The following ROR2 variants were observed in gnomAD, a reference collection of about 807,000 sequenced individuals.
ROR2 encodes the protein ROR family WNT receptor 2.
A neutral mutation model predicts 74.9 loss-of-function variants in ROR2; 33 were observed. That is an observed-to-expected ratio of 0.44 (90% CI 0.33 to 0.59). The LOEUF (loss-of-function observed/expected upper bound fraction) is 0.59. Among genes scored for constraint, ROR2 ranks in the 20% least tolerant of loss-of-function variants. The pLI, the probability that ROR2 is intolerant of heterozygous loss-of-function variation, is 0.02. For synonymous variants in ROR2, 586 were observed against 558.7 expected, an observed-to-expected ratio of 1.05 and a Z score of -0.69; for missense variants, 1,216 against 1,313.8, an observed-to-expected ratio of 0.93 and a Z score of 1.15.
chr9:91,859,988 T>C (rs1829421700), intron 1 of ROR2, among the ~76,000 whole-genome samples: 1 of 152,192 alleles, frequency 6.6e-6, no homozygotes, highest in African/African-American at 2.4e-5. Context: ...GCCTGGACGC[T>C]GCTCCGGATG....
At chr9:91,943,502 C>T (rs1205014295) in intron 1 of ROR2, among the ~76,000 whole-genome samples, 1 of 152,136 alleles carries the variant, frequency 6.6e-6, no homozygotes, top group Non-Finnish European at 1.5e-5. Context: ...TCCCTCCTTC[C>T]TCAGTGAGCA....
rs35146225 is a variant in ROR2, at chr9:91,735,606, C to CTTTTTTTTTTT, written c.622+1774_622+1784dup. ...GCACGGTTCCTACTAAGGGCTCTAA[C>CTTTTTTTTTTT]TTTTTTTTTTTTTTTTTTTTTTTTT... On this transcript the variant is annotated intron_variant, in intron 5 of 8. Transcript: ENST00000375708. 1.7e-3 allele frequency among the ~76,000 whole-genome samples: 135 copies of CTTTTTTTTTTT among 79,002 alleles called. 3 individuals carry two copies. Among genetic ancestry groups the CTTTTTTTTTTT allele is most frequent in the Admixed American group, 2.5e-3 (14 of 5,660 alleles). The allele number at this position is 79,002 out of a possible 152,430, so 51.8% of individuals were successfully genotyped here.
chr9:91,869,867 A>T (rs990051941), intron 1 of ROR2, among the ~76,000 whole-genome samples: 1 of 152,248 alleles, frequency 6.6e-6, no homozygotes, highest in Non-Finnish European at 1.5e-5. Context: ...GAAGAAAAAA[A>T]AATAAGCATT....
At position 91,810,172 on chromosome 9, in the gene ROR2, G is replaced by A. The variant is rs57308170; in HGVS notation, c.98-34354C>T. 2.0e-3 allele frequency among the ~76,000 whole-genome samples: 298 copies of A among 152,326 alleles called. 1 individual carries two copies. Among genetic ancestry groups the A allele is most frequent in the African/African-American group, 6.9e-3 (285 of 41,584 alleles). ...CATTTCCCACCATGCCCGAGGCTAC[G>A]GTGGCGACAGAATCAGAATGGGGTC... On this transcript the variant is annotated intron_variant, in intron 1 of 8. Transcript: ENST00000375708.
chr9:91,818,007 T>C (rs559296712), intron 1 of ROR2, among the ~76,000 whole-genome samples: 28 of 152,298 alleles, frequency 1.8e-4, no homozygotes, highest in African/African-American at 6.3e-4. Flanking sequence ...CATTTCCTTT[T>C]CTCTGGGGCC....
chr9:91,919,640 T>A (rs1831217410), intron 1 of ROR2, among the ~76,000 whole-genome samples: 1 of 152,174 alleles, frequency 6.6e-6, no homozygotes, highest in Non-Finnish European at 1.5e-5. Flanking sequence ...ATGACACCCA[T>A]TCAGCTCTAA....
intron 1 of ROR2, among the ~76,000 whole-genome samples, chr9:91,911,452 T>TA (rs2119442008): frequency 6.6e-6 from 1 of 152,328 alleles, no homozygotes; most frequent in African/African-American, 2.4e-5. Flanking sequence ...TAAAATATGA[T>TA]ATAATCGTAT....
chr9:91,920,068 A>C (rs1187245804), intron 1 of ROR2, among the ~76,000 whole-genome samples: 1 of 152,242 alleles, frequency 6.6e-6, no homozygotes, highest in Non-Finnish European at 1.5e-5. Flanking sequence ...TTGTGAAACA[A>C]AGTTTGAGGA....
Position 91,809,518 on chromosome 9 carries a change from C to T in ROR2, c.98-33700G>A, listed in dbSNP as rs149973653. On this transcript the variant is annotated intron_variant, in intron 1 of 8. Transcript: ENST00000375708. ...TTCTCTCCGCACAGCTCTTAATAAG[C>T]CACTGACCCCTCAGCCCCACAGAGA... is the stretch of plus-strand genomic sequence containing the variant. Among the ~76,000 whole-genome samples the T allele has an allele frequency of 1.9e-3, 285 of 152,362 alleles. 1 individual carries two copies. The highest frequency in any genetic ancestry group is 6.5e-3 in the African/African-American group (269 of 41,582).
rs5899143 is a variant in ROR2, at chr9:91,845,877, CAAAAAAAAAAAAA to C, written c.98-70072_98-70060del. On this transcript the variant is annotated intron_variant, in intron 1 of 8. Coordinates refer to ENST00000375708, the MANE Select transcript of ROR2 (RefSeq NM_004560.4). The stretch of plus-strand genomic sequence containing the variant: ...TGGGCAACAGAGCAAGAATCCATCT[CAAAAAAAAAAAAA>C]AAAAAAAAAAAAAAAAAATAGGTGT... Among the ~76,000 whole-genome samples the C allele has an allele frequency of 4.9e-3, 166 of 33,906 alleles. 1 individual carries two copies. The highest frequency in any genetic ancestry group is 8.6e-3 in the African/African-American group (119 of 13,782). 22.2% of individuals were successfully genotyped at this position (33,906 alleles called of 152,430 possible). A position where few individuals can be genotyped will look rare whatever the true frequency, so the allele number is the denominator to read the frequency against.
intron 1 of ROR2, among the ~76,000 whole-genome samples, chr9:91,850,530 A>C (rs188132234): frequency 6.6e-6 from 1 of 152,194 alleles, no homozygotes; most frequent in Admixed American, 6.5e-5. Flanking sequence ...GGCTCTGAAG[A>C]TGGACAAGGG....
chr9:91,723,941 C>G lies in ROR2; in HGVS notation c.2553G>C (p.Val851=), dbSNP rs905958690. ...TGGGCTTGGGGACCATCTGAGGAGG[C>G]ACCTGCTGCGGGGCCATCTGCATTG... ...QIPMQMAPQQ[V]PPQMVPKPSS... The change falls in exon 9 of 9, where the codon GTG becomes GTC. Residue 851 remains valine, a synonymous_variant. Coordinates refer to ENST00000375708, the MANE Select transcript of ROR2 (RefSeq NM_004560.4). 1.9e-6 allele frequency: 3 copies of G among 1,613,544 alleles called. No homozygotes were observed. In the South Asian group the frequency reaches 3.3e-5, roughly 18 times the overall value.
At chr9:91,763,587 C>A (rs1350510500) in intron 2 of ROR2, among the ~76,000 whole-genome samples, 1 of 152,204 alleles carries the variant, frequency 6.6e-6, no homozygotes, top group South Asian at 2.1e-4. Flanking sequence ...TGGAATATTT[C>A]TCGTCATTGG....
intron 1 of ROR2, among the ~76,000 whole-genome samples, chr9:91,941,264 T>A (rs1587863769): frequency 2.0e-5 from 3 of 152,374 alleles, no homozygotes; most frequent in African/African-American, 7.2e-5. Context: ...CCAGAAGTGC[T>A]GGGATTACAG....
At chr9:91,890,137 C>T (rs1345838728) in intron 1 of ROR2, among the ~76,000 whole-genome samples, 1 of 152,210 alleles carries the variant, frequency 6.6e-6, no homozygotes. Context: ...ATGGCAACTT[C>T]TTTCCCTCTT....
chr9:91,753,793 A>G (rs561160727), intron 4 of ROR2, among the ~76,000 whole-genome samples: 1 of 152,366 alleles, frequency 6.6e-6, no homozygotes, highest in East Asian at 1.9e-4. Flanking sequence ...CATGTCAAGT[A>G]TAGCATCATT....
intron 2 of ROR2, among the ~76,000 whole-genome samples, chr9:91,765,877 G>T (rs975418184): frequency 6.6e-6 from 1 of 152,076 alleles, no homozygotes; most frequent in African/African-American, 2.4e-5. Flanking sequence ...TTATATCAGG[G>T]TGCAAAAAAT....
chr9:91,814,540 C>G (rs539554944), intron 1 of ROR2, among the ~76,000 whole-genome samples: 1 of 152,310 alleles, frequency 6.6e-6, no homozygotes, highest in South Asian at 2.1e-4. Flanking sequence ...ACAAAAATAA[C>G]ATCACTATAA....
At chr9:91,810,180 C>A (rs1320754689) in intron 1 of ROR2, among the ~76,000 whole-genome samples, 1 of 152,232 alleles carries the variant, frequency 6.6e-6, no homozygotes, top group South Asian at 2.1e-4. Context: ...ACGGTGGCGA[C>A]AGAATCAGAA....
Sources: allele counts gnomAD v4.1 joint callset (sites outside exome capture counted in the v4.1 genomes callset), GRCh38; gene constraint gnomAD v4.1.1; transcripts MANE v1.5; gene names NCBI Gene and HGNC (gene_info 2026-07-23, HGNC 2026-07-21).